Variants in ESS2 observed in about 807,000 individuals in gnomAD.
The protein encoded by ESS2 is splicing factor ESS-2 homolog.
ESS2 carries 31 observed loss-of-function variants against 52.0 expected under a neutral mutation model. That is an observed-to-expected ratio of 0.60 (90% CI 0.45 to 0.81). The LOEUF (loss-of-function observed/expected upper bound fraction) is 0.81, where lower values mean the gene tolerates loss of function less well. Among genes scored for constraint, ESS2 ranks in the 30% least tolerant of loss-of-function variants. The pLI, the probability that ESS2 is intolerant of heterozygous loss-of-function variation, is 0.00. For missense variants in ESS2, 602 were observed against 637.2 expected, an observed-to-expected ratio of 0.94 and a Z score of 0.59; for synonymous variants, 285 against 259.2, an observed-to-expected ratio of 1.10 and a Z score of -0.95.
At chr22:19,143,698 A>G (rs1026115219) in intron 1 of ESS2, among the ~76,000 whole-genome samples, 1 of 152,104 alleles carries the variant, frequency 6.6e-6, no homozygotes, top group Non-Finnish European at 1.5e-5. Flanking sequence ...ACTACTAAAA[A>G]TACAAAAATT....
Position 19,132,492 on chromosome 22 carries a change from G to A in ESS2, c.*1704C>T, listed in dbSNP as rs375018282. 680 of 1,588,836 alleles carry A rather than the reference G, an allele frequency of 4.3e-4. 9 individuals are homozygous for A. The East Asian group carries it at 8.7e-3, about 20-fold the overall frequency. ...AAGCACCTAGCATGACAATGGCCCCGTTGTGTGTGGTGGGGGTCGGGGTTG... is the reference window on the plus strand; with the variant it reads ...AAGCACCTAGCATGACAATGGCCCCATTGTGTGTGGTGGGGGTCGGGGTTG... On this transcript the variant is annotated 3_prime_UTR_variant, in exon 10 of 10. Transcript: ENST00000252137. This position sits in a 1 kb window ranked among gnomAD's most constrained non-coding sequence, Gnocchi z 4.2.
At chr22:19,139,409 C>G in intron 5 of ESS2, 117 bp from the exon 6 acceptor site, 4 of 1,441,720 alleles carry the variant, frequency 2.8e-6, no homozygotes, top group Non-Finnish European at 3.7e-6. Flanking sequence ...GAGCAGAACG[C>G]AGGCCCCAGT....
rs775604081 is a variant in ESS2 at position 19,134,443 on chromosome 22, G to A, written c.1184C>T (p.Ser395Leu). Residue 395 changes from serine to leucine, a missense_variant, in exon 10 of 10, where the codon TCG (serine) becomes TTG (leucine). By Grantham distance (145) the Ser-to-Leu change is moderately radical. Coordinates refer to ENST00000252137, the MANE Select transcript of ESS2 (RefSeq NM_022719.3). ...GCTCACAAGGCGCTGTAGGGCTGGCGACATGGCTGGGCTCAGGCCTTTGGG... is the reference window on the plus strand; with the variant it reads ...GCTCACAAGGCGCTGTAGGGCTGGCAACATGGCTGGGCTCAGGCCTTTGGG... ...LTPKGLSPAM[S>L]PALQRLVSRT... 3.1e-6 allele frequency: 5 copies of A among 1,587,826 alleles called. No individual in the cohort carries two copies. Among genetic ancestry groups the A allele is most frequent in the Non-Finnish European group, 2.6e-6 (3 of 1,165,066 alleles).
At chr22:19,143,146 AG>A (rs1199324657) in intron 1 of ESS2, among the ~76,000 whole-genome samples, 3 of 144,952 alleles carry the variant, frequency 2.1e-5, no homozygotes, top group Non-Finnish European at 3.0e-5. Flanking sequence ...CGGAGGTTGC[AG>A]TGAGCCAAGA....
intron 6 of ESS2, among the ~76,000 whole-genome samples, chr22:19,138,635 GGGCAATGCTGATGACA>G (rs926268662): frequency 2.4e-4 from 36 of 152,336 alleles, no homozygotes; most frequent in East Asian, 1.9e-3. Flanking sequence ...CCCCTGCAGG[GGGCAATGCTGATGACA>G]GGCAATGCTG....
chr22:19,140,065 C>T, intron 3 of ESS2, 41 bp from the exon 4 acceptor site: 9 of 1,606,070 alleles, frequency 5.6e-6, no homozygotes, highest in Non-Finnish European at 7.6e-6. Flanking sequence ...GCACCCTTTG[C>T]AGTCAGGAAA....
chr22:19,137,253 G>T, intron 8 of ESS2, 70 bp downstream of exon 8: 1 of 1,187,916 alleles, frequency 8.4e-7, no homozygotes, highest in Non-Finnish European at 1.2e-6. Context: ...TCAGTCCTGA[G>T]CCACAGGCAC....
In ESS2 at chr22:19,132,327, C is replaced by G. The variant is rs777773500; in HGVS notation, c.*1869G>C. The stretch of plus-strand genomic sequence containing the variant: ...CAAGACAGGCTTGAGGCCCGACCAC[C>G]GGCCCGACCACAAGCTTGGAGCCAA... On this transcript the variant is annotated 3_prime_UTR_variant, in exon 10 of 10. Transcript: ENST00000252137. This position sits in a 1 kb window ranked among gnomAD's most constrained non-coding sequence, Gnocchi z 4.2. 9.3e-6 allele frequency: 15 copies of G among 1,612,762 alleles called. No homozygotes were observed. Among genetic ancestry groups the G allele is most frequent in the Middle Eastern group, 1.6e-4 (1 of 6,082 alleles).
intron 6 of ESS2, 176 bp from the exon 7 acceptor site, chr22:19,138,493 C>T (rs1398089917): frequency 4.1e-6 from 3 of 729,812 alleles, no homozygotes; most frequent in Non-Finnish European, 5.0e-6. Flanking sequence ...CCCCAACCCC[C>T]CAAAAGACCT....
At position 19,139,836 on chromosome 22, in the gene ESS2, C is replaced by G. The variant is rs1455160768; in HGVS notation, c.570+19G>C. 2 of 1,614,006 alleles carry G rather than the reference C, an allele frequency of 1.2e-6. No homozygotes were observed. The highest frequency in any genetic ancestry group is 1.7e-6 in the Non-Finnish European group (2 of 1,179,910). On this transcript the variant is annotated intron_variant, in intron 4 of 9. Coordinates refer to ENST00000252137, the MANE Select transcript of ESS2 (RefSeq NM_022719.3). The stretch of plus-strand genomic sequence containing the variant: ...AGAGGGTGCCTACGCCTATGTGACA[C>G]CCCAGACCCCAGAGACACCTTCTCA...
In ESS2 at chr22:19,139,656, G is replaced by A. The variant is rs201686898; in HGVS notation, c.644C>T (p.Thr215Ile). The A allele has an allele frequency of 1.9e-6, 3 of 1,614,160 alleles. No individual in the cohort carries two copies. The highest frequency in any genetic ancestry group is 2.5e-6 in the Non-Finnish European group (3 of 1,180,032). ...GGAATTCTTGGCCTTGTACTTCCAGGTCTCCACACTGGCCTGGCTGCTCTC... is the reference window on the plus strand; with the variant it reads ...GGAATTCTTGGCCTTGTACTTCCAGATCTCCACACTGGCCTGGCTGCTCTC... ...AIESSQASVETWKYKAKNSLM... is the reference protein window; with the variant it reads ...AIESSQASVEIWKYKAKNSLM... Residue 215 changes from threonine (T) to isoleucine (I), a missense_variant, in exon 5 of 10, where the codon ACC (threonine) becomes ATC (isoleucine). Physicochemically the swap from Thr to Ile is moderately conservative, Grantham distance 89 (BLOSUM62 -1). Coordinates refer to ENST00000252137, the MANE Select transcript of ESS2 (RefSeq NM_022719.3).
At position 19,142,874 on chromosome 22, in the gene ESS2, T is replaced by C. The variant is rs778368383; in HGVS notation, c.156A>G (p.Gln52=). 2.0e-5 allele frequency: 32 copies of C among 1,613,696 alleles called. No homozygotes were observed. Among genetic ancestry groups the C allele is most frequent in the Middle Eastern group, 1.6e-4 (1 of 6,084 alleles). Residue 52 remains glutamine, a synonymous_variant, in exon 2 of 10, where the codon CAA becomes CAG. Coordinates refer to ENST00000252137, the MANE Select transcript of ESS2 (RefSeq NM_022719.3). ...EYIEGLQTVI[Q]RDFFPDVEKL... The stretch of plus-strand genomic sequence containing the variant: ...TCTCCACATCAGGAAAGAAATCCCT[T>C]TGGATGACCGTCTGGAGGCCCTGCA...
intron 1 of ESS2, chr22:19,144,196 A>G: frequency 8.8e-7 from 1 of 1,136,844 alleles, no homozygotes; most frequent in Non-Finnish European, 1.1e-6. Flanking sequence ...CGCTCTTTAG[A>G]AAGCCCTCTT....
At chr22:19,141,754 G>A (rs1376385590) in intron 3 of ESS2, among the ~76,000 whole-genome samples, 10 of 152,260 alleles carry the variant, frequency 6.6e-5, no homozygotes, top group Non-Finnish European at 1.0e-4. Flanking sequence ...TTGGGGGGCC[G>A]AGGCAGACAG....
rs2045091817 is a variant in ESS2, at chr22:19,133,595, A to AGACC, written c.*600_*601insGGTC. On this transcript the variant is annotated 3_prime_UTR_variant, in exon 10 of 10. Coordinates refer to ENST00000252137, the MANE Select transcript of ESS2 (RefSeq NM_022719.3). ...TATGCAGCCCCCACACAGTCCTATA[A>AGACC]CCAGCGCACCTCACAGCCGGCAAGC... The AGACC allele has an allele frequency of 6.6e-6, 1 of 152,258 alleles. No homozygotes were observed. Among genetic ancestry groups the AGACC allele is most frequent in the African/African-American group, 2.4e-5 (1 of 41,388 alleles). The allele number at this position is 152,258 out of a possible 1,614,324, so 9.4% of individuals were successfully genotyped here.
At chr22:19,141,579 C>T (rs2083687008) in intron 3 of ESS2, among the ~76,000 whole-genome samples, 1 of 152,252 alleles carries the variant, frequency 6.6e-6, no homozygotes, top group Non-Finnish European at 1.5e-5. Context: ...AGGCCCACAA[C>T]ACCACATGTG....
chr22:19,143,202 C>CAAAAA (rs10632625), intron 1 of ESS2, among the ~76,000 whole-genome samples: 5 of 113,048 alleles, frequency 4.4e-5, no homozygotes, highest in African/African-American at 1.8e-4. Context: ...GAGACCGTCT[C>CAAAAA]AAAAAAAAAA....
At chr22:19,137,214 C>T (rs1365800512) in intron 8 of ESS2, 109 bp downstream of exon 8, 3 of 768,728 alleles carry the variant, frequency 3.9e-6, no homozygotes, top group Admixed American at 2.7e-5. Flanking sequence ...GCACTCTGCC[C>T]GTCAGCAGCT....
chr22:19,137,291 T>C, intron 8 of ESS2, 32 bp downstream of exon 8: 1 of 1,520,658 alleles, frequency 6.6e-7, no homozygotes, highest in Non-Finnish European at 9.0e-7. Flanking sequence ...TCCACCCCGG[T>C]CGCACACAGT....
Sources: gnomAD v4.1 joint callset for allele counts (sites outside exome capture counted in the v4.1 genomes callset) on GRCh38, gnomAD v4.1.1 for gene constraint, Gnocchi (gnomAD v3.1) non-coding constraint, MANE v1.5 for transcripts, NCBI Gene and HGNC (gene_info 2026-07-23, HGNC 2026-07-21) for gene names.